The following PPL variants were observed in gnomAD, a reference collection of about 807,000 sequenced individuals.
PPL encodes periplakin.
PPL carries 198 observed loss-of-function variants against 194.4 expected under a neutral mutation model. The ratio of observed to expected loss-of-function variants is 1.02; its 90% CI spans 0.91 to 1.15. PPL has a LOEUF of 1.15. PPL is among the 50% of genes most tolerant of loss of function. PPL has a pLI of 0.00. For synonymous variants in PPL, 1,220 were observed against 972.4 expected, an observed-to-expected ratio of 1.25 and a Z score of -4.74; for missense variants, 2,885 against 2,294.8, an observed-to-expected ratio of 1.26 and a Z score of -5.25.
At chr16:4,917,986 CAA>C (rs199659886) in intron 1 of PPL, among the ~76,000 whole-genome samples, 4 of 133,942 alleles carry the variant, frequency 3.0e-5, no homozygotes, top group Non-Finnish European at 1.6e-5. Flanking sequence ...AAAGCTGCTA[CAA>C]AAAAAAAAAA....
intron 17 of PPL, 42 bp downstream of exon 17, chr16:4,890,686 T>A (rs2088302238): frequency 1.3e-6 from 2 of 1,559,166 alleles, no homozygotes; most frequent in Non-Finnish European, 1.7e-6. Context: ...TTAGATCGCA[T>A]TCTCAGAAAA....
intron 1 of PPL, among the ~76,000 whole-genome samples, chr16:4,933,695 T>C (rs894557262): frequency 6.6e-6 from 1 of 152,160 alleles, no homozygotes; most frequent in Non-Finnish European, 1.5e-5. Context: ...TAACCATACA[T>C]GTACTGAAGC....
At chr16:4,898,814 G>A (rs1397656895) in intron 8 of PPL, among the ~76,000 whole-genome samples, 199 bp downstream of exon 8, 2 of 152,210 alleles carry the variant, frequency 1.3e-5, no homozygotes, top group East Asian at 3.8e-4. Flanking sequence ...AGAAGTCCAG[G>A]GGCTGAGGGC....
At chr16:4,891,727 C>T (rs748168706) in intron 16 of PPL, 84 bp downstream of exon 16, 3 of 1,494,180 alleles carry the variant, frequency 2.0e-6, no homozygotes, top group Non-Finnish European at 2.7e-6. Context: ...CTGGTGTCCT[C>T]ATCTATCCAG....
intron 14 of PPL, 50 bp downstream of exon 14, chr16:4,893,163 G>T: frequency 1.4e-6 from 2 of 1,457,302 alleles, no homozygotes; most frequent in Non-Finnish European, 9.0e-7. Context: ...GCCCCAGGGG[G>T]CCAGTGCAGG....
At position 4,884,520 on chromosome 16, in the gene PPL, G is replaced by A. The variant is rs778730541; in HGVS notation, c.4135C>T (p.Leu1379=). 1 of 1,611,240 alleles carries A rather than the reference G, an allele frequency of 6.2e-7. No individual in the cohort carries two copies. The highest frequency in any genetic ancestry group is 8.5e-7 in the Non-Finnish European group (1 of 1,179,540). ...GCCCGCAGCTTGTCAATCTGCCGCA[G>A]CTCCACATCGATGCTCTCGGCAAAG... ...SAFAESIDVE[L]RQIDKLRAEL... The change falls in exon 22 of 22, where the codon CTG becomes TTG. Residue 1379 remains leucine (L), a synonymous_variant. Coordinates refer to ENST00000345988, the MANE Select transcript of PPL (RefSeq NM_002705.5). The surrounding 1 kb of genome is among the most constrained non-coding windows in gnomAD (Gnocchi z 5.7).
chr16:4,912,093 TAC>T (rs746123601), intron 1 of PPL, among the ~76,000 whole-genome samples: 72 of 152,210 alleles, frequency 4.7e-4, no homozygotes, highest in Non-Finnish European at 7.9e-4. Context: ...CTGTTTAAAA[TAC>T]ACAGTCACTG....
intron 1 of PPL, among the ~76,000 whole-genome samples, chr16:4,915,684 C>T (rs2088903058): frequency 6.6e-6 from 1 of 152,222 alleles, no homozygotes; most frequent in African/African-American, 2.4e-5. Context: ...ACACCAATAA[C>T]AATCTCCACC....
rs199958643 is a variant in PPL at position 4,893,350 on chromosome 16, G to C, written c.1513C>G (p.Arg505Gly). The C allele has an allele frequency of 1.9e-6, 3 of 1,607,420 alleles. No homozygotes were observed. In the Admixed American group the frequency reaches 5.0e-5, roughly 27 times the overall value. The change falls in exon 14 of 22, where the codon CGG (arginine) becomes GGG (glycine). Residue 505 changes from arginine (R) to glycine (G), a missense_variant. By Grantham distance (125) the Arg-to-Gly change is moderately radical. Transcript: ENST00000345988. Reference sequence around the variant, plus strand: ...TTGTCCAAGCCAGCCAGCAGCTGCCGCCCCTGTAGGTCAGAGGCATCTGTG... The same window carrying C: ...TTGTCCAAGCCAGCCAGCAGCTGCCCCCCCTGTAGGTCAGAGGCATCTGTG... ...NPGDASDLQG[R>G]QLLAGLDKVA...
At chr16:4,903,466 T>C (rs2088617533) in intron 3 of PPL, among the ~76,000 whole-genome samples, 1 of 152,070 alleles carries the variant, frequency 6.6e-6, no homozygotes, top group East Asian at 1.9e-4. Context: ...CTTTGTGTAA[T>C]CCCAGCACTT....
chr16:4,932,559 T>G (rs2089238355), intron 1 of PPL, among the ~76,000 whole-genome samples: 1 of 151,850 alleles, frequency 6.6e-6, no homozygotes, highest in South Asian at 2.1e-4. Flanking sequence ...GATTACAGGT[T>G]TCCGCCACCA....
At chr16:4,894,722 T>A in intron 11 of PPL, 104 bp from the exon 12 acceptor site, 1 of 1,356,642 alleles carries the variant, frequency 7.4e-7, no homozygotes, top group South Asian at 1.3e-5. Context: ...GAGCCCCGGC[T>A]CATCACTTGG....
At chr16:4,914,203 C>A (rs2088874686) in intron 1 of PPL, among the ~76,000 whole-genome samples, 1 of 152,218 alleles carries the variant, frequency 6.6e-6, no homozygotes, top group Non-Finnish European at 1.5e-5. Flanking sequence ...ACCGTCAAGG[C>A]AGAGGGGACC....
In PPL at chr16:4,884,109, T is replaced by G. The variant is rs773461619; in HGVS notation, c.4546A>C (p.Ile1516Leu). The change falls in exon 22 of 22, where the codon ATC becomes CTC. Residue 1516 changes from isoleucine (I) to leucine (L), a missense_variant. Physicochemically the swap from Ile to Leu is conservative, Grantham distance 5. Transcript: ENST00000345988. The surrounding 1 kb of genome is among the most constrained non-coding windows in gnomAD (Gnocchi z 5.7). ...QVEKGDTEQE[I>L]QRLKSSLEEE... ...TCCAGGCTGCTCTTGAGCCTCTGGA[T>G]CTCTTGCTCGGTGTCGCCCTTCTCC... is the stretch of plus-strand genomic sequence containing the variant. 4 of 1,613,194 alleles carry G rather than the reference T, an allele frequency of 2.5e-6. No homozygotes were observed. The highest frequency in any genetic ancestry group is 3.4e-6 in the Non-Finnish European group (4 of 1,179,924).
At chr16:4,898,610 C>T (rs547546844) in intron 8 of PPL, among the ~76,000 whole-genome samples, 3 of 152,208 alleles carry the variant, frequency 2.0e-5, no homozygotes, top group African/African-American at 7.2e-5. Flanking sequence ...GTTGGCAACC[C>T]CCAGAAGCCG....
chr16:4,889,241 G>GGTTTTTTTTTTTTTTTTT lies in PPL; in HGVS notation c.2314-181_2314-180insAAAAAAAAAAAAAAAAAC, dbSNP rs1442783436. ...AAAAGGCAGTTTTTTTGTTGTTGTT[G>GGTTTTTTTTTTTTTTTTT]TTTTTTTTTTTTTTTTTTTTTTTTT... On this transcript the variant is annotated intron_variant, in intron 18 of 21. Transcript: ENST00000345988. 5.3e-4 allele frequency among the ~76,000 whole-genome samples: 35 copies of GGTTTTTTTTTTTTTTTTT among 66,632 alleles called. 3 individuals carry two copies. Among genetic ancestry groups the GGTTTTTTTTTTTTTTTTT allele is most frequent in the South Asian group, 1.8e-3 (3 of 1,684 alleles). 43.7% of individuals were successfully genotyped at this position (66,632 alleles called of 152,430 possible).
chr16:4,899,482 G>GAGGACAAGCCCAGCTATGGGTGGCCTT, intron 6 of PPL, 98 bp from the exon 7 acceptor site: 1 of 1,479,026 alleles, frequency 6.8e-7, no homozygotes, highest in Non-Finnish European at 9.0e-7. Context: ...TGGCTGGCCT[G>GAGGACAAGCCCAGCTATGGGTGGCCTT]AGGACAAGCC....
intron 12 of PPL, 66 bp downstream of exon 12, chr16:4,894,401 G>A: frequency 6.3e-7 from 1 of 1,575,558 alleles, no homozygotes; most frequent in Non-Finnish European, 8.6e-7. Flanking sequence ...CCGGGGCTAT[G>A]AATGGGGCCT....
chr16:4,893,835 C>G lies in PPL; in HGVS notation c.1395-197G>C, dbSNP rs74003549. On this transcript the variant is annotated intron_variant, in intron 12 of 21. Transcript: ENST00000345988. Reference sequence around the variant, plus strand: ...GAGCTCTTCTCCCTCCTTCCCTCCTCTTTCGTAGGAAGTCTCACTACCTAA... The same window carrying G: ...GAGCTCTTCTCCCTCCTTCCCTCCTGTTTCGTAGGAAGTCTCACTACCTAA... 402 of 579,352 alleles carry G rather than the reference C, an allele frequency of 6.9e-4. 1 individual carries two copies. The highest frequency in any genetic ancestry group is 6.6e-3 in the African/African-American group (353 of 53,670). The allele number at this position is 579,352 out of a possible 1,614,324, so 35.9% of individuals were successfully genotyped here. A position where few individuals can be genotyped will look rare whatever the true frequency, so the allele number is the denominator to read the frequency against.
Sources: gnomAD v4.1 joint callset for allele counts (sites outside exome capture counted in the v4.1 genomes callset) on GRCh38, gnomAD v4.1.1 for gene constraint, Gnocchi (gnomAD v3.1) non-coding constraint, MANE v1.5 for transcripts, NCBI Gene and HGNC (gene_info 2026-07-23, HGNC 2026-07-21) for gene names.